The following NCKAP5 variants were observed in gnomAD, a reference collection of about 807,000 sequenced individuals.
NCKAP5 encodes the protein nck-associated protein 5.
In NCKAP5, 92 loss-of-function variants were observed where a neutral mutation model predicts 167.0. The ratio of observed to expected loss-of-function variants is 0.55; its 90% CI spans 0.47 to 0.66. NCKAP5 has a LOEUF of 0.66. Among genes scored for constraint, NCKAP5 ranks in the 30% least tolerant of loss-of-function variants. The pLI is 0.00. For missense variants in NCKAP5, 2,378 were observed against 2,315.0 expected (o/e 1.03, Z -0.56); for synonymous variants, 891 against 877.4 (o/e 1.02, Z -0.27).
chr2:133,083,042 G>A (rs1033302496), intron 6 of NCKAP5, among the ~76,000 whole-genome samples: 6 of 152,160 alleles, frequency 3.9e-5, no homozygotes, highest in African/African-American at 1.4e-4. Context: ...CGAGCATCTT[G>A]AGTGTCCAGC....
intron 8 of NCKAP5, among the ~76,000 whole-genome samples, chr2:132,905,242 A>G (rs1369394125): frequency 6.6e-6 from 1 of 152,154 alleles, no homozygotes; most frequent in African/African-American, 2.4e-5. Context: ...TTGATATACA[A>G]TATCTCCTTT....
intron 6 of NCKAP5, among the ~76,000 whole-genome samples, chr2:133,031,646 G>A (rs1460255727): frequency 6.6e-6 from 1 of 151,176 alleles, no homozygotes; most frequent in African/African-American, 2.4e-5. Context: ...AGCCAAGGGA[G>A]TGCTGGCATC....
chr2:132,837,110 C>T (rs1477261214), intron 11 of NCKAP5, among the ~76,000 whole-genome samples: 1 of 152,140 alleles, frequency 6.6e-6, no homozygotes, highest in African/African-American at 2.4e-5. Flanking sequence ...AGAAATCAGA[C>T]ATCGTTCAGT....
chr2:133,269,682 G>A (rs76433838), intron 4 of NCKAP5, among the ~76,000 whole-genome samples: 3 of 152,120 alleles, frequency 2.0e-5, no homozygotes, highest in Non-Finnish European at 4.4e-5. Context: ...TGACAGCGGA[G>A]GACACAAGAC....
Position 132,783,934 on chromosome 2 carries a change from C to A in NCKAP5, c.2877G>T (p.Arg959Ser). 1 of 1,576,552 alleles carries A rather than the reference C, an allele frequency of 6.3e-7. No individual in the cohort carries two copies. Among genetic ancestry groups the A allele is most frequent in the Non-Finnish European group, 8.6e-7 (1 of 1,165,182 alleles). Residue 959 changes from arginine (R) to serine (S), a missense_variant, in exon 14 of 20, where the codon AGG becomes AGT. By Grantham distance (110) the Arg-to-Ser change is moderately radical. This residue lies in a region of NCKAP5 where 1,325 missense variants were observed against 1,274.5 expected (regional missense o/e 1.04). Coordinates refer to ENST00000409261, the MANE Select transcript of NCKAP5 (RefSeq NM_207363.3). ...GGGTCCTTGCTGTTTCACTGGGGAC[C>A]CTGGTTTCGGACTTGGTGGATGAAG... ...PAPSSTKSET[R>S]VPSETARTPF...
intron 16 of NCKAP5, among the ~76,000 whole-genome samples, chr2:132,740,414 T>C (rs1442071653): frequency 6.6e-6 from 1 of 152,116 alleles, no homozygotes; most frequent in East Asian, 1.9e-4. Flanking sequence ...ATCTCTTTAT[T>C]TGCACATCCT....
At chr2:133,626,391 T>A in the NCKAP5 span, among the ~76,000 whole-genome samples, 1 of 152,094 alleles carries the variant, frequency 6.6e-6, no homozygotes, top group Non-Finnish European at 1.5e-5. Context: ...AAAAACTTAA[T>A]AAGCAAGATC....
intron 4 of NCKAP5, among the ~76,000 whole-genome samples, chr2:133,281,808 T>G (rs537228197): frequency 3.3e-5 from 5 of 152,338 alleles, no homozygotes; most frequent in African/African-American, 9.6e-5. Context: ...GTGGGGACTC[T>G]GCTCATGGTA....
At chr2:133,433,978 C>G (rs1254536336) in intron 3 of NCKAP5, 1 of 152,004 alleles carries the variant, frequency 6.6e-6, no homozygotes, top group Non-Finnish European at 1.5e-5. Context: ...TAATAGGGCC[C>G]AAGGTGGAAT....
chr2:133,057,161 A>G (rs2079833567), intron 6 of NCKAP5, among the ~76,000 whole-genome samples: 1 of 152,082 alleles, frequency 6.6e-6, no homozygotes, highest in Non-Finnish European at 1.5e-5. Flanking sequence ...TGACTGCTCC[A>G]CCAATTGGTC....
At chr2:132,769,373 A>G (rs532289271) in intron 16 of NCKAP5, among the ~76,000 whole-genome samples, 3 of 152,342 alleles carry the variant, frequency 2.0e-5, no homozygotes, top group East Asian at 1.9e-4. Context: ...TGTCAAAGAC[A>G]TTAGTTAATA....
chr2:133,015,437 T>A (rs537027598), intron 6 of NCKAP5, among the ~76,000 whole-genome samples: 246 of 152,244 alleles, frequency 1.6e-3, no homozygotes, highest in African/African-American at 5.4e-3. Flanking sequence ...AGAATAAATA[T>A]AACTCATGGA....
the NCKAP5 span, among the ~76,000 whole-genome samples, chr2:133,623,508 T>G: frequency 6.6e-6 from 1 of 151,918 alleles, no homozygotes; most frequent in Non-Finnish European, 1.5e-5. Context: ...TAGGCAGTTC[T>G]CAAAAGAAGA....
At chr2:132,678,306 A>G (rs1412361320) in intron 19 of NCKAP5, among the ~76,000 whole-genome samples, 1 of 152,184 alleles carries the variant, frequency 6.6e-6, no homozygotes, top group African/African-American at 2.4e-5. Context: ...GATAAATGCT[A>G]CTCTTTCATT....
At chr2:132,678,277 C>T (rs1351559623) in intron 19 of NCKAP5, among the ~76,000 whole-genome samples, 1 of 152,114 alleles carries the variant, frequency 6.6e-6, no homozygotes, top group African/African-American at 2.4e-5. Flanking sequence ...TGAAATAGTG[C>T]AATCAATTAT....
intron 16 of NCKAP5, among the ~76,000 whole-genome samples, chr2:132,739,913 A>C (rs1011515930): frequency 6.6e-6 from 1 of 152,150 alleles, no homozygotes; most frequent in Non-Finnish European, 1.5e-5. Context: ...TATACAAATG[A>C]TGTCTGCTGA....
At chr2:133,191,440 A>C (rs984874283) in intron 5 of NCKAP5, among the ~76,000 whole-genome samples, 1 of 150,802 alleles carries the variant, frequency 6.6e-6, no homozygotes, top group Non-Finnish European at 1.5e-5. Flanking sequence ...CCCAAAGGAC[A>C]AATCATGCTC....
chr2:133,586,233 C>T, the NCKAP5 span, among the ~76,000 whole-genome samples: 1 of 152,118 alleles, frequency 6.6e-6, no homozygotes, highest in Non-Finnish European at 1.5e-5. Flanking sequence ...CTAAGCACCT[C>T]CCTCAGAGGG....
At chr2:133,286,545 G>T (rs1345714706) in intron 4 of NCKAP5, among the ~76,000 whole-genome samples, 1 of 152,170 alleles carries the variant, frequency 6.6e-6, no homozygotes, top group African/African-American at 2.4e-5. Flanking sequence ...TTTGCCTAAA[G>T]GTTATTAACA....
Sources: allele counts gnomAD v4.1 joint callset (sites outside exome capture counted in the v4.1 genomes callset), GRCh38; gene constraint gnomAD v4.1.1; regional missense constraint gnomAD v4.1.1; transcripts MANE v1.5; gene names NCBI Gene and HGNC (gene_info 2026-07-23, HGNC 2026-07-21).